Variants in OR5A1 observed in about 807,000 individuals in gnomAD.
OR5A1 encodes the protein olfactory receptor 5A1.
Under a neutral mutation model 6.7 loss-of-function variants are expected in OR5A1, and 6 were observed. The observed-to-expected ratio is 0.89, with a 90% CI of 0.49 to 1.76. The LOEUF (loss-of-function observed/expected upper bound fraction) is 1.76. Ranked by LOEUF, OR5A1 falls within the 40% of genes most tolerant of loss-of-function variation. The probability of loss-of-function intolerance (pLI) is 0.01; values close to 1 mark genes in which losing one functional copy is unlikely to be tolerated. For missense variants in OR5A1, 378 were observed against 381.7 expected, an observed-to-expected ratio of 0.99 and a Z score of 0.08; for synonymous variants, 170 against 155.0, an observed-to-expected ratio of 1.10 and a Z score of -0.72.
intron 1 of OR5A1, among the ~76,000 whole-genome samples, chr11:59,442,030 C>T (rs139887640): frequency 1.2e-3 from 180 of 152,112 alleles, no homozygotes; most frequent in Non-Finnish European, 1.9e-3. Flanking sequence ...AAAGTAAATA[C>T]TATTATTATC....
chr11:59,443,651 C>T lies in OR5A1; in HGVS notation c.483C>T (p.Ile161=). ...TTGGTGGCTTCCTGAGCTCCCTGAT[C>T]CAGGCCAGCTCCATATTTAGGCTTC... is the stretch of plus-strand genomic sequence containing the variant. ...AYVGGFLSSL[I]QASSIFRLHF... The change falls in exon 2 of 2, where the codon ATC becomes ATT. Residue 161 remains isoleucine (I), a synonymous_variant. Transcript: ENST00000641045. The T allele has an allele frequency of 6.2e-7, 1 of 1,614,132 alleles. No individual in the cohort carries two copies. The highest frequency in any genetic ancestry group is 8.5e-7 in the Non-Finnish European group (1 of 1,180,024).
Position 59,443,586 on chromosome 11 carries a change from AC to A in OR5A1, c.421del (p.Gln141ArgfsTer17). On this transcript the variant is annotated frameshift_variant, in exon 2 of 2. Transcript: ENST00000641045. LOFTEE classifies it high-confidence loss of function. ...CCCCCTTCTCTACCCCACTATCATG[AC>A]CCAGGGCCTCTGTACACGCATGGTG... Reference protein sequence around the residue: ...SSPLLYPTIMTQGLCTRMVVG... With the variant: ...SSPLLYPTIMXQGLCTRMVVG... The A allele has an allele frequency of 6.2e-7, 1 of 1,613,596 alleles. No homozygotes were observed. Among genetic ancestry groups the A allele is most frequent in the East Asian group, 2.2e-5 (1 of 44,858 alleles).
rs10896972 is a variant in OR5A1 at position 59,445,411 on chromosome 11, G to T, written c.*1295G>T. On this transcript the variant is annotated 3_prime_UTR_variant, in exon 2 of 2. Coordinates refer to ENST00000641045, the MANE Select transcript of OR5A1 (RefSeq NM_001004728.2). ...TATTTTCTTTATCCAGTCTCTCATT[G>T]ATGGGAATTTGGGTTGATTCCATGT... 0.61 allele frequency: 93,292 copies of T among 151,938 alleles called. 29,419 individuals carry two copies. The highest frequency in any genetic ancestry group is 0.75 in the South Asian group (3,584 of 4,804). The allele number at this position is 151,938 out of a possible 1,614,324, so 9.4% of individuals were successfully genotyped here.
rs1169711400 is a variant in OR5A1 at position 59,446,343 on chromosome 11, C to T, written c.*2227C>T. On this transcript the variant is annotated 3_prime_UTR_variant, in exon 2 of 2. Coordinates refer to ENST00000641045, the MANE Select transcript of OR5A1 (RefSeq NM_001004728.2). Reference sequence around the variant, plus strand: ...ATCTCTATTGTGTTCTATTGGTCTACGTGTCTGTTTTTGTACAAGTACCAT... The same window carrying T: ...ATCTCTATTGTGTTCTATTGGTCTATGTGTCTGTTTTTGTACAAGTACCAT... The T allele has an allele frequency of 1.3e-5, 2 of 152,082 alleles. No homozygotes were observed. Among genetic ancestry groups the T allele is most frequent in the African/African-American group, 2.4e-5 (1 of 41,412 alleles). The allele number at this position is 152,082 out of a possible 1,614,324, so 9.4% of individuals were successfully genotyped here.
intron 1 of OR5A1, among the ~76,000 whole-genome samples, chr11:59,439,086 G>C (rs1157277464): frequency 6.6e-6 from 1 of 152,090 alleles, no homozygotes; most frequent in Non-Finnish European, 1.5e-5. Flanking sequence ...ATTTGGCTGA[G>C]GTCCTTATCA....
chr11:59,443,572 AC>A lies in OR5A1; in HGVS notation c.408del (p.Thr137LeufsTer3). The A allele has an allele frequency of 3.7e-6, 6 of 1,613,082 alleles. No individual in the cohort carries two copies. The highest frequency in any genetic ancestry group is 5.1e-6 in the Non-Finnish European group (6 of 1,179,788). On this transcript the variant is annotated frameshift_variant, in exon 2 of 2. Transcript: ENST00000641045. LOFTEE classifies it high-confidence loss of function. ...GCAGCCATCTCCAGCCCCCTTCTCT[AC>A]CCCACTATCATGACCCAGGGCCTCT... ...RYAAISSPLL[Y>X]PTIMTQGLCT...
Position 59,436,603 on chromosome 11 carries a change from C to T in OR5A1, c.-266C>T, listed in dbSNP as rs1284170915. ...AGAAGAGCTTCTTAAAGATTACAAC[C>T]TCCATCCTTTCTTTATATATCTTTT... is the stretch of plus-strand genomic sequence containing the variant. On this transcript the variant is annotated 5_prime_UTR_variant, in exon 1 of 2. Transcript: ENST00000641045. 1.3e-5 allele frequency: 2 copies of T among 152,154 alleles called. No homozygotes were observed. Among genetic ancestry groups the T allele is most frequent in the African/African-American group, 2.4e-5 (1 of 41,450 alleles). 9.4% of individuals were successfully genotyped at this position (152,154 alleles called of 1,614,324 possible).
At chr11:59,439,223 G>A (rs956918494) in intron 1 of OR5A1, among the ~76,000 whole-genome samples, 5 of 152,060 alleles carry the variant, frequency 3.3e-5, no homozygotes, top group East Asian at 3.9e-4. Context: ...TCAACTCTAC[G>A]AGTCCCCATC....
chr11:59,437,548 G>A (rs1055803722), intron 1 of OR5A1, among the ~76,000 whole-genome samples: 2 of 152,148 alleles, frequency 1.3e-5, no homozygotes, highest in African/African-American at 4.8e-5. Flanking sequence ...GAAGTCTGCT[G>A]TATACTATTT....
Position 59,451,231 on chromosome 11 carries a change from T to TTTTC in OR5A1, c.*7128_*7131dup, listed in dbSNP as rs2134542965. ...ATTGTAATTTAATTTGTATTTCCTT[T>TTTTC]TTTCTTTCTTTCTTTCCCTTTTTTA... On this transcript the variant is annotated 3_prime_UTR_variant, in exon 2 of 2. Transcript: ENST00000641045. 1 of 152,216 alleles carries TTTTC rather than the reference T, an allele frequency of 6.6e-6. No homozygotes were observed. The highest frequency in any genetic ancestry group is 2.4e-5 in the African/African-American group (1 of 41,556). 9.4% of individuals were successfully genotyped at this position (152,216 alleles called of 1,614,324 possible).
chr11:59,437,570 A>G (rs1045520289), intron 1 of OR5A1, among the ~76,000 whole-genome samples: 3 of 152,194 alleles, frequency 2.0e-5, no homozygotes, highest in Non-Finnish European at 4.4e-5. Context: ...GTTTTCAAGC[A>G]TTCTCTGCTG....
chr11:59,441,981 TAG>T (rs1554968758), intron 1 of OR5A1, among the ~76,000 whole-genome samples: 1 of 137,730 alleles, frequency 7.3e-6, no homozygotes, highest in Non-Finnish European at 1.6e-5. Context: ...GATAGATAGA[TAG>T]ATAGATGATA....
In OR5A1 at chr11:59,448,853, T is replaced by C. The variant is rs1210404444; in HGVS notation, c.*4737T>C. 2.0e-5 allele frequency: 3 copies of C among 152,228 alleles called. No individual in the cohort carries two copies. The highest frequency in any genetic ancestry group is 2.9e-5 in the Non-Finnish European group (2 of 68,036). The allele number at this position is 152,228 out of a possible 1,614,324, so 9.4% of individuals were successfully genotyped here. A position where few individuals can be genotyped will look rare whatever the true frequency, so the allele number is the denominator to read the frequency against. ...TATGTGACCCAAATTGTGACCATTG[T>C]CACATGAAATTGACTCTTGAACTAT... On this transcript the variant is annotated 3_prime_UTR_variant, in exon 2 of 2. Transcript: ENST00000641045.
intron 1 of OR5A1, among the ~76,000 whole-genome samples, chr11:59,440,291 C>T (rs888524223): frequency 6.6e-6 from 1 of 152,094 alleles, no homozygotes; most frequent in Non-Finnish European, 1.5e-5. Context: ...AGGTTGGTCT[C>T]GAGCTCCTGG....
Position 59,443,275 on chromosome 11 carries a change from G to A in OR5A1, c.107G>A (p.Gly36Asp), listed in dbSNP as rs1268388474. 1.2e-6 allele frequency: 2 copies of A among 1,613,796 alleles called. No individual in the cohort carries two copies. Among genetic ancestry groups the A allele is most frequent in the Non-Finnish European group, 8.5e-7 (1 of 1,179,956 alleles). Residue 36 changes from glycine to aspartate, a missense_variant, in exon 2 of 2, where the codon GGC becomes GAC. Transcript: ENST00000641045. ...GCCCTCCTCTTTGTGACCTTCCTGG[G>A]CATCTATCTTACCACCCTGGCCTGG... ...LQALLFVTFL[G>D]IYLTTLAWNL...
chr11:59,442,527 CTACATTA>C (rs1267646677), intron 1 of OR5A1, among the ~76,000 whole-genome samples: 1 of 151,982 alleles, frequency 6.6e-6, no homozygotes, highest in Non-Finnish European at 1.5e-5. Context: ...GAAATTCAAC[CTACATTA>C]GTATATTTGG....
rs1365150631 is a variant in OR5A1, at chr11:59,450,082, G to A, written c.*5966G>A. On this transcript the variant is annotated 3_prime_UTR_variant, in exon 2 of 2. Transcript: ENST00000641045. ...GGAATAAGGTCCTGGGGTTCATAAA[G>A]GTTAACTTGCTCCGGGTCACAAGAG... is the stretch of plus-strand genomic sequence containing the variant. The A allele has an allele frequency of 6.6e-6, 1 of 152,202 alleles. No homozygotes were observed. Among genetic ancestry groups the A allele is most frequent in the Admixed American group, 6.5e-5 (1 of 15,280 alleles). 9.4% of individuals were successfully genotyped at this position (152,202 alleles called of 1,614,324 possible). A position where few individuals can be genotyped will look rare whatever the true frequency, so the allele number is the denominator to read the frequency against.
At chr11:59,441,071 G>A (rs950541577) in intron 1 of OR5A1, among the ~76,000 whole-genome samples, 1 of 152,136 alleles carries the variant, frequency 6.6e-6, no homozygotes, top group Non-Finnish European at 1.5e-5. Context: ...ACCTTAACTG[G>A]CAATGAGTAG....
chr11:59,441,434 CTTTAA>C lies in OR5A1; in HGVS notation c.-33-1696_-33-1692del, dbSNP rs1016146311. 4.4e-4 allele frequency among the ~76,000 whole-genome samples: 67 copies of C among 152,160 alleles called. No homozygotes were observed. In the Middle Eastern group the frequency reaches 0.01, roughly 23 times the overall value. On this transcript the variant is annotated intron_variant, in intron 1 of 1. Coordinates refer to ENST00000641045, the MANE Select transcript of OR5A1 (RefSeq NM_001004728.2). ...ATATTAATCAAAATATCTCACAGTT[CTTTAA>C]TTTAAAAGCCAGTTAAAATAATTTC...
Sources: allele counts gnomAD v4.1 joint callset (sites outside exome capture counted in the v4.1 genomes callset), GRCh38; gene constraint gnomAD v4.1.1; transcripts MANE v1.5; gene names NCBI Gene and HGNC (gene_info 2026-07-23, HGNC 2026-07-21).